The following SCFD1 variants were observed in gnomAD, a reference collection of about 807,000 sequenced individuals.
SCFD1 encodes the protein sec1 family domain containing 1, also known as sec1 family domain-containing protein 1.
A neutral mutation model predicts 103.2 loss-of-function variants in SCFD1; 37 were observed. The ratio of observed to expected loss-of-function variants is 0.36; its 90% CI spans 0.28 to 0.47. The LOEUF is 0.47. Among genes scored for constraint, SCFD1 ranks in the 20% least tolerant of loss-of-function variants. The pLI is 1.00. For missense variants in SCFD1, 639 were observed against 761.2 expected (o/e 0.84, Z 1.89); for synonymous variants, 264 against 245.0 (o/e 1.08, Z -0.73).
chr14:30,677,734 G>T (rs1474751815), intron 14 of SCFD1, among the ~76,000 whole-genome samples: 1 of 144,106 alleles, frequency 6.9e-6, no homozygotes, highest in Admixed American at 7.0e-5. Context: ...GTTAATTAAA[G>T]AAATATTTTG....
chr14:30,637,386 C>A (rs559222901), intron 4 of SCFD1, among the ~76,000 whole-genome samples: 1 of 152,130 alleles, frequency 6.6e-6, no homozygotes, highest in South Asian at 2.1e-4. Context: ...TAAATAATTT[C>A]TTGACCTTGA....
At chr14:30,695,313 C>T (rs1488263086) in intron 15 of SCFD1, among the ~76,000 whole-genome samples, 1 of 152,142 alleles carries the variant, frequency 6.6e-6, no homozygotes, top group Non-Finnish European at 1.5e-5. Flanking sequence ...TATGGCCAAT[C>T]ACTTTAAATA....
intron 10 of SCFD1, among the ~76,000 whole-genome samples, chr14:30,668,211 G>A (rs1377193996): frequency 6.6e-6 from 1 of 151,976 alleles, no homozygotes; most frequent in East Asian, 1.9e-4. Context: ...ATATAGACCA[G>A]TGGAACAGAA....
intron 7 of SCFD1, among the ~76,000 whole-genome samples, chr14:30,648,716 A>G (rs1886096880): frequency 6.6e-6 from 1 of 152,214 alleles, no homozygotes; most frequent in Non-Finnish European, 1.5e-5. Context: ...CAGCCTGGAC[A>G]GCATAGTGAA....
At chr14:30,637,711 A>G (rs1374527002) in intron 4 of SCFD1, among the ~76,000 whole-genome samples, 1 of 152,152 alleles carries the variant, frequency 6.6e-6, no homozygotes, top group Non-Finnish European at 1.5e-5. Context: ...AGAATTGGTA[A>G]TTGGATTTAT....
At chr14:30,629,308 C>A (rs1388069194) in intron 2 of SCFD1, among the ~76,000 whole-genome samples, 1 of 152,060 alleles carries the variant, frequency 6.6e-6, no homozygotes, top group Non-Finnish European at 1.5e-5. Flanking sequence ...TAAAGGAAAT[C>A]CTGGCATTTA....
chr14:30,629,153 A>G (rs2138992390), intron 2 of SCFD1, among the ~76,000 whole-genome samples: 1 of 152,272 alleles, frequency 6.6e-6, no homozygotes, highest in African/African-American at 2.4e-5. Flanking sequence ...TTGGGTACAA[A>G]TTTTTGTCAG....
chr14:30,693,358 C>T (rs989935756), intron 14 of SCFD1, among the ~76,000 whole-genome samples: 4 of 151,998 alleles, frequency 2.6e-5, no homozygotes, highest in Admixed American at 6.5e-5. Flanking sequence ...TGGAAGAGGA[C>T]GGGGTGAAAA....
In SCFD1 at chr14:30,640,563, CAT is replaced by C. The variant is rs370804183; in HGVS notation, c.523+702_523+703del. Among the ~76,000 whole-genome samples, 497 of 152,182 alleles carry C rather than the reference CAT, an allele frequency of 3.3e-3. 4 individuals are homozygous for C. Among genetic ancestry groups the C allele is most frequent in the African/African-American group, 0.011 (458 of 41,540 alleles). On this transcript the variant is annotated intron_variant, in intron 6 of 24. Coordinates refer to ENST00000458591, the MANE Select transcript of SCFD1 (RefSeq NM_016106.4). Reference sequence around the variant, plus strand: ...TTACTTTATTCTTGATGGATTAACTCATATTGAACAGATTAAATTCTCCTAAT... The same window carrying C: ...TTACTTTATTCTTGATGGATTAACTCATTGAACAGATTAAATTCTCCTAAT...
At chr14:30,722,587 GT>G (rs756430841) in intron 23 of SCFD1, 28 bp downstream of exon 23, 1 of 1,433,410 alleles carries the variant, frequency 7.0e-7, no homozygotes, top group Admixed American at 1.8e-5. Flanking sequence ...TTTTTATTCT[GT>G]TGTTAGATGG....
intron 14 of SCFD1, among the ~76,000 whole-genome samples, chr14:30,681,220 CAA>C (rs34998524): frequency 1.0e-4 from 10 of 98,250 alleles, no homozygotes; most frequent in African/African-American, 1.1e-4. Context: ...GACTCTGTCT[CAA>C]AAAAAAAAAA....
intron 19 of SCFD1, chr14:30,715,207 A>G (rs1442940598): frequency 6.6e-6 from 1 of 152,138 alleles, no homozygotes; most frequent in Non-Finnish European, 1.5e-5. Flanking sequence ...ATTTAATCTC[A>G]TACGTTTTCA....
intron 23 of SCFD1, among the ~76,000 whole-genome samples, chr14:30,726,141 C>G (rs1020715930): frequency 2.6e-5 from 4 of 152,050 alleles, no homozygotes; most frequent in South Asian, 2.1e-4. Flanking sequence ...AACAGAAAAA[C>G]AAGAAGATAA....
chr14:30,692,131 G>A (rs540348632), intron 14 of SCFD1, among the ~76,000 whole-genome samples: 3 of 151,786 alleles, frequency 2.0e-5, no homozygotes, highest in Admixed American at 6.6e-5. Context: ...GATTCTTTAC[G>A]TTTTCCACTT....
chr14:30,724,321 C>T (rs1892888501), intron 23 of SCFD1, among the ~76,000 whole-genome samples: 1 of 135,138 alleles, frequency 7.4e-6, no homozygotes, highest in Non-Finnish European at 1.5e-5. Flanking sequence ...GGTGCCATCT[C>T]GGCTCACAGC....
chr14:30,645,958 A>G (rs1014988028), intron 7 of SCFD1, among the ~76,000 whole-genome samples: 6 of 152,084 alleles, frequency 3.9e-5, no homozygotes, highest in Non-Finnish European at 7.4e-5. Context: ...TGTGTTTGTC[A>G]TAGATTACTC....
At chr14:30,622,593 A>G (rs1447487716) in intron 1 of SCFD1, 194 bp downstream of exon 1, 1 of 949,276 alleles carries the variant, frequency 1.1e-6, no homozygotes, top group South Asian at 2.3e-5. Flanking sequence ...GTGGTGCAGG[A>G]GAAGGAGCTT....
At chr14:30,734,879 T>C in intron 24 of SCFD1, 21 bp downstream of exon 24, 1 of 1,573,202 alleles carries the variant, frequency 6.4e-7, no homozygotes, top group Non-Finnish European at 8.7e-7. Flanking sequence ...CATTTGTTGT[T>C]TGTTTCTGTT....
At chr14:30,660,993 G>A (rs984840821) in intron 10 of SCFD1, among the ~76,000 whole-genome samples, 1 of 152,134 alleles carries the variant, frequency 6.6e-6, no homozygotes, top group African/African-American at 2.4e-5. Flanking sequence ...GTAACAAATA[G>A]TGGATACCAC....
Sources: allele counts gnomAD v4.1 joint callset (sites outside exome capture counted in the v4.1 genomes callset), GRCh38; gene constraint gnomAD v4.1.1; transcripts MANE v1.5; gene names NCBI Gene and HGNC (gene_info 2026-07-23, HGNC 2026-07-21).